EFHC1: variants seen among roughly 807,000 people sequenced by gnomAD.
The protein encoded by EFHC1 is EF-hand domain-containing protein 1.
In EFHC1, 53 loss-of-function variants were observed where a neutral mutation model predicts 69.9. That is an observed-to-expected ratio of 0.76 (90% CI 0.61 to 0.95). The LOEUF is 0.95. EFHC1 is among the 40% of genes least tolerant of loss of function. The pLI, the probability that EFHC1 is intolerant of heterozygous loss-of-function variation, is 0.00. For synonymous variants in EFHC1, 256 were observed against 278.4 expected (o/e 0.92, Z 0.80); for missense variants, 739 against 798.7 (o/e 0.93, Z 0.90).
chr6:52,428,262 A>T (rs1015779499), intron 2 of EFHC1: 1 of 152,046 alleles, frequency 6.6e-6, no homozygotes, highest in African/African-American at 2.4e-5. Flanking sequence ...TATAGTGGTG[A>T]TTTGTGAGAT....
intron 3 of EFHC1, among the ~76,000 whole-genome samples, chr6:52,451,520 G>A (rs1764916066): frequency 1.3e-5 from 2 of 152,156 alleles, no homozygotes; most frequent in East Asian, 1.9e-4. Flanking sequence ...GCCTGATGGG[G>A]TTCCCTTTGT....
intron 5 of EFHC1, among the ~76,000 whole-genome samples, chr6:52,454,652 C>T (rs1764999713): frequency 6.6e-6 from 1 of 152,156 alleles, no homozygotes; most frequent in Non-Finnish European, 1.5e-5. Context: ...TCTTTATATG[C>T]TTTCCTGACT....
chr6:52,446,314 A>G (rs878863210), intron 3 of EFHC1, among the ~76,000 whole-genome samples: 1 of 152,176 alleles, frequency 6.6e-6, no homozygotes, highest in Non-Finnish European at 1.5e-5. Context: ...CCATTATGTA[A>G]CGACATTCTT....
At chr6:52,464,698 A>T (rs78764883) in intron 5 of EFHC1, among the ~76,000 whole-genome samples, 197 bp from the exon 6 acceptor site, 7 of 152,216 alleles carry the variant, frequency 4.6e-5, no homozygotes, top group Non-Finnish European at 8.8e-5. Flanking sequence ...CAAAAACCGT[A>T]TTATGTACGT....
In EFHC1 at chr6:52,479,134, C is replaced by T. The variant is rs1278223878; in HGVS notation, c.1376C>T (p.Ser459Phe). 9.3e-6 allele frequency: 15 copies of T among 1,614,168 alleles called. No homozygotes were observed. The highest frequency in any genetic ancestry group is 1.2e-5 in the Non-Finnish European group (14 of 1,180,012). Residue 459 changes from serine (S) to phenylalanine (F), a missense_variant, in exon 8 of 11, where the codon TCT becomes TTT. Ser to Phe is a radical substitution (Grantham distance 155, BLOSUM62 -2). Transcript: ENST00000371068. The stretch of plus-strand genomic sequence containing the variant: ...ATCTTTGAGCCTCCTGTTCGCAATT[C>T]TGGTATCATTGGGGGCAAGTACCTT... ...ISIFEPPVRN[S>F]GIIGGKYLGR... is the part of the protein sequence containing the mutation.
At chr6:52,470,452 CCTT>C (rs961070549) in intron 7 of EFHC1, among the ~76,000 whole-genome samples, 3 of 152,136 alleles carry the variant, frequency 2.0e-5, no homozygotes, top group Non-Finnish European at 4.4e-5. Context: ...GGAATCATGT[CCTT>C]CTAGACTTTG....
intron 7 of EFHC1, 36 bp from the exon 8 acceptor site, chr6:52,479,001 A>C: frequency 1.9e-6 from 3 of 1,596,448 alleles, no homozygotes; most frequent in Non-Finnish European, 2.6e-6. Context: ...ATAGACCATG[A>C]ACCTTCATAA....
In EFHC1 at chr6:52,454,266, A is replaced by C; in HGVS notation, c.895A>C (p.Lys299Gln). 6.2e-7 allele frequency: 1 copy of C among 1,614,172 alleles called. No individual in the cohort carries two copies. Residue 299 changes from lysine (K) to glutamine (Q), a missense_variant, in exon 5 of 11, where the codon AAA (lysine) becomes CAA (glutamine). Lys to Gln is a moderately conservative substitution (Grantham distance 53, BLOSUM62 1). Coordinates refer to ENST00000371068, the MANE Select transcript of EFHC1 (RefSeq NM_018100.4). Reference sequence around the variant, plus strand: ...CCTAATGAACCGCCAGCGTGTGCCCAAAGTTTTGGTGGAAAATGCAAGTAT... The same window carrying C: ...CCTAATGAACCGCCAGCGTGTGCCCCAAGTTTTGGTGGAAAATGCAAGTAT... ...PLLMNRQRVP[K>Q]VLVENAKNFP...
intron 7 of EFHC1, among the ~76,000 whole-genome samples, chr6:52,472,780 T>G (rs887184533): frequency 6.6e-5 from 10 of 151,878 alleles, no homozygotes. Flanking sequence ...GTGTTACATA[T>G]CTTTTAGGTG....
intron 3 of EFHC1, among the ~76,000 whole-genome samples, chr6:52,441,058 AAAT>A (rs565201657): frequency 6.1e-3 from 923 of 152,244 alleles, no homozygotes; most frequent in South Asian, 0.013. Context: ...CATAGTTTGC[AAAT>A]ATTTCTTTCC....
rs990811529 is a variant in EFHC1 at position 52,495,437 on chromosome 6, T to C, written c.*3096T>C. On this transcript the variant is annotated 3_prime_UTR_variant, in exon 11 of 11. Transcript: ENST00000371068. ...CTGTGGTAGAGGAGCTTTGGGCTAC[T>C]CCTTAACAAATCATTCATGGATCGG... 4.4e-6 allele frequency: 2 copies of C among 454,044 alleles called. No homozygotes were observed. The highest frequency in any genetic ancestry group is 4.0e-5 in the African/African-American group (2 of 50,018). The allele number at this position is 454,044 out of a possible 1,614,324, so 28.1% of individuals were successfully genotyped here. A position where few individuals can be genotyped will look rare whatever the true frequency, so the allele number is the denominator to read the frequency against.
At chr6:52,480,010 G>A (rs1212087118) in intron 9 of EFHC1, 5 of 720,422 alleles carry the variant, frequency 6.9e-6, no homozygotes, top group Non-Finnish European at 1.1e-5. Context: ...AACAATGTGG[G>A]AGTTAGGGGT....
rs1764987409 is a variant in EFHC1, at chr6:52,454,190, G to A, written c.819G>A (p.Val273=). ...ATTACTATCTTATGGATGATACGGT[G>A]GAAATTCGAGAGGTCCACGAACGGA... is the stretch of plus-strand genomic sequence containing the variant. ...IIHYYLMDDT[V]EIREVHERND... is the part of the protein sequence containing the mutation. The change falls in exon 5 of 11, where the codon GTG becomes GTA. Residue 273 remains valine (V), a synonymous_variant. Coordinates refer to ENST00000371068, the MANE Select transcript of EFHC1 (RefSeq NM_018100.4). 1.2e-6 allele frequency: 2 copies of A among 1,614,114 alleles called. No individual in the cohort carries two copies. The highest frequency in any genetic ancestry group is 1.7e-6 in the Non-Finnish European group (2 of 1,180,016).
intron 1 of EFHC1, chr6:52,423,654 C>G (rs2113966236): frequency 1.9e-6 from 1 of 528,624 alleles, no homozygotes; most frequent in South Asian, 2.4e-5. Context: ...CCACACCCAG[C>G]TAATTTTTTT....
chr6:52,450,083 G>T lies in EFHC1; in HGVS notation c.574-2605G>T, dbSNP rs1581827564. ...TTTACCCAAAAGTCATTCAGGAGCA[G>T]GTTGTTTAATGTCCATGTAATTGCA... On this transcript the variant is annotated intron_variant, in intron 3 of 10. Coordinates refer to ENST00000371068, the MANE Select transcript of EFHC1 (RefSeq NM_018100.4). 1.3e-5 allele frequency among the ~76,000 whole-genome samples: 2 copies of T among 152,140 alleles called. 1 individual carries two copies. Among genetic ancestry groups the T allele is most frequent in the Non-Finnish European group, 2.9e-5 (2 of 68,024 alleles).
chr6:52,451,650 C>T (rs1487127038), intron 3 of EFHC1, among the ~76,000 whole-genome samples: 1 of 152,082 alleles, frequency 6.6e-6, no homozygotes, highest in Non-Finnish European at 1.5e-5. Context: ...TGCAGGGATT[C>T]TTTGTATTTC....
At chr6:52,472,639 TACAAGAG>T in intron 7 of EFHC1, among the ~76,000 whole-genome samples, 1 of 136,648 alleles carries the variant, frequency 7.3e-6, no homozygotes, top group Admixed American at 7.7e-5. Flanking sequence ...ATCTTTATCA[TACAAGAG>T]ATATGTAATA....
rs1041120327 is a variant in EFHC1 at position 52,493,897 on chromosome 6, C to G, written c.*1556C>G. On this transcript the variant is annotated 3_prime_UTR_variant, in exon 11 of 11. Coordinates refer to ENST00000371068, the MANE Select transcript of EFHC1 (RefSeq NM_018100.4). ...TACACAGAATTCAGACTGCTTTGCC[C>G]TCTCAGAACTTCTAGGGAACTTCCC... is the stretch of plus-strand genomic sequence containing the variant. 2.0e-5 allele frequency: 9 copies of G among 454,112 alleles called. No individual in the cohort carries two copies. Among genetic ancestry groups the G allele is most frequent in the Admixed American group, 4.7e-5 (2 of 42,572 alleles). 28.1% of individuals were successfully genotyped at this position (454,112 alleles called of 1,614,324 possible).
chr6:52,457,029 C>T (rs954088309), intron 5 of EFHC1, among the ~76,000 whole-genome samples: 1 of 152,174 alleles, frequency 6.6e-6, no homozygotes, highest in Non-Finnish European at 1.5e-5. Flanking sequence ...AATTGACTCT[C>T]AAAGGCATTT....
Sources: gnomAD v4.1 joint callset for allele counts (sites outside exome capture counted in the v4.1 genomes callset) on GRCh38, gnomAD v4.1.1 for gene constraint, MANE v1.5 for transcripts, NCBI Gene and HGNC (gene_info 2026-07-23, HGNC 2026-07-21) for gene names.